Variants in RIN2 observed in about 807,000 individuals in gnomAD.
The protein encoded by RIN2 is RAB5 interacting protein 2.
In RIN2, 36 loss-of-function variants were observed where a neutral mutation model predicts 78.0. The ratio of observed to expected loss-of-function variants is 0.46; its 90% CI spans 0.35 to 0.61. The LOEUF (loss-of-function observed/expected upper bound fraction) is 0.61. Ranked by LOEUF, RIN2 falls within the 20% of genes least tolerant of loss-of-function variation. RIN2 has a pLI of 0.00. For synonymous variants in RIN2, 466 were observed against 466.8 expected, an observed-to-expected ratio of 1.00 and a Z score of 0.02; for missense variants, 1,087 against 1,159.7, an observed-to-expected ratio of 0.94 and a Z score of 0.91.
chr20:19,964,221 A>G (rs1466821548), intron 6 of RIN2, among the ~76,000 whole-genome samples: 2 of 151,644 alleles, frequency 1.3e-5, no homozygotes, highest in Non-Finnish European at 2.9e-5. Context: ...GGAGGGGGGA[A>G]CAACACTCCA....
At chr20:19,842,387 C>CT (rs139642869) in intron 2 of RIN2, among the ~76,000 whole-genome samples, 501 of 46,162 alleles carry the variant, frequency 0.011, 62 homozygotes, top group African/African-American at 0.032. Context: ...CCATCCCTGG[C>CT]TTTTTTTTTT....
chr20:19,894,424 T>C (rs2038625506), intron 3 of RIN2, among the ~76,000 whole-genome samples: 1 of 152,176 alleles, frequency 6.6e-6, no homozygotes, highest in Non-Finnish European at 1.5e-5. Flanking sequence ...ATAACTTCTC[T>C]TTTTAAAAAA....
At position 19,975,448 on chromosome 20, in the gene RIN2, C is replaced by T. The variant is rs368434569; in HGVS notation, c.1423C>T (p.Pro475Ser). The T allele has an allele frequency of 1.2e-6, 2 of 1,614,030 alleles. No homozygotes were observed. The highest frequency in any genetic ancestry group is 8.5e-7 in the Non-Finnish European group (1 of 1,179,888). ...GGAAAGTGACCAAGAGACCATGGCGCCCCCCATCAAGTCCAAAAAGAAAAG... is the reference window on the plus strand; with the variant it reads ...GGAAAGTGACCAAGAGACCATGGCGTCCCCCATCAAGTCCAAAAAGAAAAG... ...EGESDQETMAPPIKSKKKRSS... is the reference protein window; with the variant it reads ...EGESDQETMASPIKSKKKRSS... The change falls in exon 9 of 13, where the codon CCC (proline) becomes TCC (serine). Residue 475 changes from proline (P) to serine (S), a missense_variant. Physicochemically the swap from Pro to Ser is moderately conservative, Grantham distance 74. Coordinates refer to ENST00000255006, the MANE Select transcript of RIN2 (RefSeq NM_018993.4). The surrounding 1 kb of genome is among the most constrained non-coding windows in gnomAD (Gnocchi z 4.9).
At chr20:19,997,968 G>C (rs953858998) in intron 12 of RIN2, among the ~76,000 whole-genome samples, 9 of 150,492 alleles carry the variant, frequency 6.0e-5, no homozygotes, top group African/African-American at 2.2e-4. Flanking sequence ...TACACATCCA[G>C]ATTCACCTGC....
chr20:19,866,180 C>A (rs1180903977), intron 2 of RIN2, among the ~76,000 whole-genome samples: 1 of 149,508 alleles, frequency 6.7e-6, no homozygotes, highest in Non-Finnish European at 1.5e-5. Flanking sequence ...GAGTGTAGAT[C>A]CCTTGCATGT....
chr20:19,850,306 TGG>T (rs1179483112), intron 2 of RIN2, among the ~76,000 whole-genome samples: 36 of 151,774 alleles, frequency 2.4e-4, no homozygotes, highest in African/African-American at 8.0e-4. Context: ...GGGGGAGGGG[TGG>T]GTTCAGCTGT....
intron 3 of RIN2, among the ~76,000 whole-genome samples, chr20:19,912,178 A>G (rs1272620374): frequency 6.6e-6 from 1 of 152,248 alleles, no homozygotes; most frequent in Non-Finnish European, 1.5e-5. Flanking sequence ...GACCCAGACA[A>G]GTTTCTCATC....
chr20:19,955,650 C>A (rs2041501717), intron 4 of RIN2, among the ~76,000 whole-genome samples: 1 of 152,200 alleles, frequency 6.6e-6, no homozygotes, highest in Non-Finnish European at 1.5e-5. Context: ...TTTTGTTCAT[C>A]CACTCATCAG....
intron 2 of RIN2, among the ~76,000 whole-genome samples, chr20:19,810,932 C>T (rs866700688): frequency 1.3e-5 from 2 of 149,616 alleles, no homozygotes; most frequent in Non-Finnish European, 3.0e-5. Context: ...AGGATTGTCT[C>T]GATCTCCTGA....
At chr20:19,976,163 TG>T (rs2042273929) in intron 9 of RIN2, among the ~76,000 whole-genome samples, 1 of 152,210 alleles carries the variant, frequency 6.6e-6, no homozygotes, top group South Asian at 2.1e-4. Context: ...TGAGAGGCAG[TG>T]GGTATTTTGT....
chr20:19,787,963 A>G (rs768514942), intron 1 of RIN2, among the ~76,000 whole-genome samples: 1 of 152,214 alleles, frequency 6.6e-6, no homozygotes, highest in Non-Finnish European at 1.5e-5. Context: ...TCAGTAATGT[A>G]AAGTACTACA....
At chr20:19,759,506 T>A (rs78934901) in intron 1 of RIN2, among the ~76,000 whole-genome samples, 2,105 of 152,242 alleles carry the variant, frequency 0.014, 43 homozygotes, top group African/African-American at 0.048. Flanking sequence ...CAAAACCAAA[T>A]TGAATGTAAA....
intron 2 of RIN2, among the ~76,000 whole-genome samples, chr20:19,870,756 TGGA>T (rs1393481750): frequency 6.6e-6 from 1 of 152,260 alleles, no homozygotes; most frequent in African/African-American, 2.4e-5. Context: ...GTCCCTCAGT[TGGA>T]GTGGGTATGA....
chr20:19,873,091 CT>C (rs1483411794), intron 2 of RIN2, among the ~76,000 whole-genome samples: 4 of 151,334 alleles, frequency 2.6e-5, no homozygotes, highest in Non-Finnish European at 5.9e-5. Context: ...CACACTTTTT[CT>C]TTTTTTAATG....
chr20:19,819,739 G>T (rs1471686759), intron 2 of RIN2, among the ~76,000 whole-genome samples: 1 of 152,086 alleles, frequency 6.6e-6, no homozygotes, highest in Non-Finnish European at 1.5e-5. Flanking sequence ...TCACTATGTT[G>T]CCTGGACTGG....
intron 3 of RIN2, among the ~76,000 whole-genome samples, chr20:19,891,783 C>T (rs568729145): frequency 5.8e-4 from 88 of 152,008 alleles, no homozygotes; most frequent in Non-Finnish European, 1.1e-3. Flanking sequence ...GAGCCAACAT[C>T]GCACCACTGC....
rs180981486 is a variant in RIN2 at position 19,975,020 on chromosome 20, C to A, written c.995C>A (p.Thr332Lys). Reference sequence around the variant, plus strand: ...CGGCTGGCCAGGACTGAAACCCAGACGAGCATGCCAGAAACAGTCAACCAT... The same window carrying A: ...CGGCTGGCCAGGACTGAAACCCAGAAGAGCATGCCAGAAACAGTCAACCAT... ...SPRLARTETQ[T>K]SMPETVNHNK... Residue 332 changes from threonine to lysine, a missense_variant, in exon 9 of 13, where the codon ACG becomes AAG. Thr to Lys is a moderately conservative substitution (Grantham distance 78). This residue lies in a region of RIN2 where 706 missense variants were observed against 667.5 expected (regional missense o/e 1.06). Coordinates refer to ENST00000255006, the MANE Select transcript of RIN2 (RefSeq NM_018993.4). This position sits in a 1 kb window ranked among gnomAD's most constrained non-coding sequence, Gnocchi z 4.9. The A allele has an allele frequency of 2.6e-4, 413 of 1,612,842 alleles. No individual in the cohort carries two copies. The highest frequency in any genetic ancestry group is 3.2e-4 in the Non-Finnish European group (382 of 1,179,792).
chr20:19,996,769 C>G lies in RIN2; in HGVS notation c.2291C>G (p.Thr764Ser). 6.2e-7 allele frequency: 1 copy of G among 1,612,948 alleles called. No homozygotes were observed. Among genetic ancestry groups the G allele is most frequent in the Non-Finnish European group, 8.5e-7 (1 of 1,179,464 alleles). ...GCAGCGCGACTGCTCAGCTCAGAAA[C>G]CAGAGACACCCTGAGGCAGTGGCAC... ...EQAARLLSSE[T>S]RDTLRQWHKR... is the part of the protein sequence containing the mutation. Residue 764 changes from threonine (T) to serine (S), a missense_variant, in exon 12 of 13, where the codon ACC (threonine) becomes AGC (serine). Around this residue, in one of 8 missense-constraint regions of RIN2, gnomAD observed 160 missense variants for 179.4 expected, o/e 0.89. Transcript: ENST00000255006.
At chr20:19,940,735 A>G (rs567294177) in intron 4 of RIN2, among the ~76,000 whole-genome samples, 2 of 152,332 alleles carry the variant, frequency 1.3e-5, no homozygotes, top group East Asian at 1.9e-4. Context: ...ATGATTCCAC[A>G]GTCCATTTTC....
Sources: gnomAD v4.1 joint callset for allele counts (sites outside exome capture counted in the v4.1 genomes callset) on GRCh38, gnomAD v4.1.1 for gene constraint, gnomAD v4.1.1 regional missense constraint, Gnocchi (gnomAD v3.1) non-coding constraint, MANE v1.5 for transcripts, NCBI Gene and HGNC (gene_info 2026-07-23, HGNC 2026-07-21) for gene names.